The following TOR1B variants were observed in gnomAD, a reference collection of about 807,000 sequenced individuals.
The protein encoded by TOR1B is torsin family 1 member B.
In TOR1B, 14 loss-of-function variants were observed where a neutral mutation model predicts 29.2. The observed-to-expected ratio is 0.48, with a 90% CI of 0.32 to 0.75. The LOEUF is 0.75. Among genes scored for constraint, TOR1B ranks in the 30% least tolerant of loss-of-function variants. TOR1B has a pLI of 0.04. For missense variants in TOR1B, 400 were observed against 433.9 expected (o/e 0.92, Z 0.69); for synonymous variants, 166 against 179.8 (o/e 0.92, Z 0.62).
rs188617858 is a variant in TOR1B at position 129,806,417 on chromosome 9, T to G, written c.466-771T>G. ...TTTATGTTTGTTTGAAGAAAACATC[T>G]GGAACAGATGCTTTTCATGAAATGT... On this transcript the variant is annotated intron_variant, in intron 2 of 4. Transcript: ENST00000259339. Among the ~76,000 whole-genome samples, 180 of 152,336 alleles carry G rather than the reference T, an allele frequency of 1.2e-3. 1 individual carries two copies. Among genetic ancestry groups the G allele is most frequent in the Non-Finnish European group, 2.2e-3 (152 of 68,036 alleles).
chr9:129,806,594 G>A (rs1313054118), intron 2 of TOR1B, among the ~76,000 whole-genome samples: 2 of 152,196 alleles, frequency 1.3e-5, no homozygotes, highest in South Asian at 2.1e-4. Context: ...TGATATTCAC[G>A]GATCTTGCCG....
intron 2 of TOR1B, chr9:129,804,598 G>T: frequency 2.3e-6 from 1 of 440,384 alleles, no homozygotes; most frequent in Admixed American, 3.8e-5. Context: ...CGTGGCTCAC[G>T]CCTGTAATCC....
chr9:129,807,909 T>A (rs976086747), intron 3 of TOR1B, among the ~76,000 whole-genome samples: 7 of 151,682 alleles, frequency 4.6e-5, no homozygotes, highest in African/African-American at 1.5e-4. Context: ...TCGTGGCATG[T>A]GCCTGGAGTC....
intron 2 of TOR1B, among the ~76,000 whole-genome samples, chr9:129,806,777 C>T (rs748738576): frequency 4.6e-5 from 7 of 152,018 alleles, no homozygotes; most frequent in Non-Finnish European, 7.4e-5. Context: ...CCCAACTACA[C>T]GGGGGGCTGA....
chr9:129,803,503 A>T, intron 1 of TOR1B, 92 bp downstream of exon 1: 1 of 1,183,588 alleles, frequency 8.4e-7, no homozygotes, highest in Non-Finnish European at 1.0e-6. Context: ...CCTGGCACGG[A>T]CCGGGCCCGT....
At chr9:129,806,391 CTT>C (rs1480075391) in intron 2 of TOR1B, among the ~76,000 whole-genome samples, 1 of 152,110 alleles carries the variant, frequency 6.6e-6, no homozygotes, top group Non-Finnish European at 1.5e-5. Context: ...GCTTGAGTGT[CTT>C]TATGTTTGTT....
chr9:129,807,714 C>T (rs1487764879), intron 3 of TOR1B, among the ~76,000 whole-genome samples: 2 of 151,868 alleles, frequency 1.3e-5, no homozygotes, highest in Non-Finnish European at 2.9e-5. Flanking sequence ...GGCGTGGTGG[C>T]GGGCGCCTGT....
In TOR1B at chr9:129,807,460, G is replaced by A. The variant is rs187319065; in HGVS notation, c.641+97G>A. 9.2e-4 allele frequency: 1,340 copies of A among 1,462,676 alleles called. 1 individual carries two copies. Among genetic ancestry groups the A allele is most frequent in the Non-Finnish European group, 1.2e-3 (1,250 of 1,074,486 alleles). 90.6% of individuals were successfully genotyped at this position (1,462,676 alleles called of 1,614,324 possible). A position where few individuals can be genotyped will look rare whatever the true frequency, so the allele number is the denominator to read the frequency against. On this transcript the variant is annotated intron_variant, in intron 3 of 4. Transcript: ENST00000259339. ...CCATCAGCACTTTGTTTACCAGGAC[G>A]AAAGTGCCTGCTTGGCACAAGGCAC... is the stretch of plus-strand genomic sequence containing the variant.
intron 2 of TOR1B, among the ~76,000 whole-genome samples, chr9:129,805,069 C>G (rs1253693944): frequency 6.7e-6 from 1 of 149,316 alleles, no homozygotes; most frequent in Non-Finnish European, 1.5e-5. Context: ...ACCCGGGAGG[C>G]GGAGCTTGCA....
At position 129,804,303 on chromosome 9, in the gene TOR1B, C is replaced by T. The variant is rs1056214265; in HGVS notation, c.430C>T (p.His144Tyr). 1.2e-6 allele frequency: 2 copies of T among 1,614,090 alleles called. No homozygotes were observed. The highest frequency in any genetic ancestry group is 1.7e-6 in the Non-Finnish European group (2 of 1,179,930). ...TGTCCACCTGTTTGTATCGACTCTG[C>T]ACTTCCCTCATGAGCAGAAGATAAA... is the stretch of plus-strand genomic sequence containing the variant. ...NFVHLFVSTL[H>Y]FPHEQKIKLY... The change falls in exon 2 of 5, where the codon CAC (histidine) becomes TAC (tyrosine). Residue 144 changes from histidine to tyrosine, a missense_variant. Physicochemically the swap from His to Tyr is moderately conservative, Grantham distance 83. Transcript: ENST00000259339.
At chr9:129,804,716 C>T (rs1256957889) in intron 2 of TOR1B, among the ~76,000 whole-genome samples, 1 of 151,580 alleles carries the variant, frequency 6.6e-6, no homozygotes, top group South Asian at 2.1e-4. Flanking sequence ...ACCAAAATTA[C>T]CTGAGCACGG....
chr9:129,809,569 C>T lies in TOR1B; in HGVS notation c.997C>T (p.Leu333=). ...GGGCTGCAAGACTGTGCAGTCGCGG[C>T]TGGATTTCCACTGAGCTCCTATCCA... The part of the protein sequence containing the change: ...DKGCKTVQSR[L]DFH The change falls in exon 5 of 5, where the codon CTG becomes TTG. Residue 333 remains leucine (L), a synonymous_variant. Transcript: ENST00000259339. 1 of 1,614,198 alleles carries T rather than the reference C, an allele frequency of 6.2e-7. No homozygotes were observed. Among genetic ancestry groups the T allele is most frequent in the Non-Finnish European group, 8.5e-7 (1 of 1,180,046 alleles).
chr9:129,807,417 A>C (rs2030559709), intron 3 of TOR1B, 54 bp downstream of exon 3: 4 of 1,598,262 alleles, frequency 2.5e-6, no homozygotes, highest in Non-Finnish European at 3.4e-6. Flanking sequence ...TCTCAATGAT[A>C]AAATGAGGTC....
chr9:129,807,448 G>A, intron 3 of TOR1B, 85 bp downstream of exon 3: 3 of 1,533,466 alleles, frequency 2.0e-6, no homozygotes, highest in Non-Finnish European at 2.7e-6. Context: ...TCAGCACTTT[G>A]TTTACCAGGA....
Position 129,803,202 on chromosome 9 carries a change from C to G in TOR1B, c.-11C>G, listed in dbSNP as rs777463909. The stretch of plus-strand genomic sequence containing the variant: ...CTGGCTCAGTGGCTTCTGCGGGCTT[C>G]GAGGAGCGGGATGTTGCGGGCTGGG... On this transcript the variant is annotated 5_prime_UTR_variant, in exon 1 of 5. Transcript: ENST00000259339. The G allele has an allele frequency of 3.4e-5, 49 of 1,461,414 alleles. No individual in the cohort carries two copies. In the South Asian group the frequency reaches 6.7e-4, roughly 20 times the overall value. 90.5% of individuals were successfully genotyped at this position (1,461,414 alleles called of 1,614,324 possible).
chr9:129,808,766 G>A, intron 3 of TOR1B, 139 bp from the exon 4 acceptor site: 1 of 958,282 alleles, frequency 1.0e-6, no homozygotes, highest in Middle Eastern at 2.6e-4. Context: ...TGGTCAGGCT[G>A]GCCTTGAACT....
At chr9:129,808,843 C>T (rs376875378) in intron 3 of TOR1B, 62 bp from the exon 4 acceptor site, 2 of 1,597,148 alleles carry the variant, frequency 1.3e-6, no homozygotes, top group African/African-American at 2.7e-5. Context: ...TGAGCCACCA[C>T]ACCCAGCAGA....
Position 129,804,106 on chromosome 9 carries a change from G to A in TOR1B, c.233G>A (p.Gly78Glu). 6.2e-7 allele frequency: 1 copy of A among 1,614,202 alleles called. No homozygotes were observed. Among genetic ancestry groups the A allele is most frequent in the Non-Finnish European group, 8.5e-7 (1 of 1,180,040 alleles). The change falls in exon 2 of 5, where the codon GGA becomes GAA. Residue 78 changes from glycine (G) to glutamate (E), a missense_variant. Coordinates refer to ENST00000259339, the MANE Select transcript of TOR1B (RefSeq NM_014506.3). ...CTGGATTTGGAGGAGAAGCTGTTTG[G>A]ACAGCATCTAGCCACGGAAGTGATT... The part of the protein sequence containing the change: ...LKLDLEEKLF[G>E]QHLATEVIFK...
At chr9:129,805,431 G>GA (rs543129884) in intron 2 of TOR1B, among the ~76,000 whole-genome samples, 182 of 141,652 alleles carry the variant, frequency 1.3e-3, no homozygotes, top group Admixed American at 4.8e-3. Flanking sequence ...CAAAAAAAAA[G>GA]AAAAAAAAAA....
Sources: gnomAD v4.1 joint callset for allele counts (sites outside exome capture counted in the v4.1 genomes callset) on GRCh38, gnomAD v4.1.1 for gene constraint, MANE v1.5 for transcripts, NCBI Gene and HGNC (gene_info 2026-07-23, HGNC 2026-07-21) for gene names.